The following LPAR6 variants were observed in gnomAD, a reference collection of about 807,000 sequenced individuals.
The protein encoded by LPAR6 is G-protein coupled purinergic receptor P2Y5.
Under a neutral mutation model 22.0 loss-of-function variants are expected in LPAR6, and 17 were observed. That is an observed-to-expected ratio of 0.77 (90% confidence interval 0.53 to 1.16). The LOEUF is 1.16. Ranked by LOEUF, LPAR6 falls within the 50% of genes most tolerant of loss-of-function variation. LPAR6 has a pLI of 0.00. For missense variants in LPAR6, 384 were observed against 406.9 expected, an observed-to-expected ratio of 0.94 and a Z score of 0.48; for synonymous variants, 136 against 139.8, an observed-to-expected ratio of 0.97 and a Z score of 0.19.
At position 48,437,947 on chromosome 13, in the gene LPAR6, T is replaced by C. The variant is rs1022525142; in HGVS notation, c.-1474+6606A>G. 2.0e-5 allele frequency among the ~76,000 whole-genome samples: 3 copies of C among 152,192 alleles called. No homozygotes were observed. The East Asian group carries it at 5.8e-4, about 29-fold the overall frequency. ...GTCAATTAGAAAACAAATCCTATTA[T>C]CAGTTTTCTTGTTTGTGCTTTGCTG... is the stretch of plus-strand genomic sequence containing the variant. On this transcript the variant is annotated intron_variant, in intron 1 of 6. Coordinates refer to the LPAR6 transcript ENST00000378434.
chr13:48,415,018 G>A (rs906124472), upstream of LPAR6, among the ~76,000 whole-genome samples: 1 of 151,762 alleles, frequency 6.6e-6, no homozygotes, highest in Admixed American at 6.6e-5. Flanking sequence ...GGTTCAGTAT[G>A]TTTTAAAAAA....
chr13:48,411,612 G>C lies in LPAR6; in HGVS notation c.812C>G (p.Thr271Arg), dbSNP rs766294393. 7.4e-6 allele frequency: 12 copies of C among 1,611,948 alleles called. No homozygotes were observed. The highest frequency in any genetic ancestry group is 1.0e-5 in the Non-Finnish European group (12 of 1,178,208). The part of the protein sequence containing the change: ...VNCSVVAAVR[T>R]MYPITLCIAV... The stretch of plus-strand genomic sequence containing the variant: ...AATACAGAGAGTGATTGGGTACATT[G>C]TCCTTACTGCTGCCACTACTGAGCA... The change falls in exon 1 of 1, where the codon ACA becomes AGA. Residue 271 changes from threonine to arginine, a missense_variant. Thr to Arg is a moderately conservative substitution (Grantham distance 71, BLOSUM62 -1). Coordinates refer to ENST00000620633, the MANE Select transcript of LPAR6 (RefSeq NM_001162498.3).
At chr13:48,430,739 C>T (rs749864937), upstream of LPAR6, among the ~76,000 whole-genome samples, 21 of 101,436 alleles carry the variant, frequency 2.1e-4, no homozygotes, top group Non-Finnish European at 3.6e-4. Context: ...GTCTCCATCT[C>T]AAAAACAAAA....
In LPAR6 at chr13:48,411,873, A is replaced by G. The variant is rs147725894; in HGVS notation, c.551T>C (p.Ile184Thr). The G allele has an allele frequency of 5.0e-6, 8 of 1,613,770 alleles. No individual in the cohort carries two copies. Among genetic ancestry groups the G allele is most frequent in the African/African-American group, 1.3e-5 (1 of 74,942 alleles). Residue 184 changes from isoleucine to threonine, a missense_variant, in exon 1 of 1, where the codon ATT becomes ACT. Coordinates refer to ENST00000620633, the MANE Select transcript of LPAR6 (RefSeq NM_001162498.3). Reference sequence around the variant, plus strand: ...TCCCACTATTTCGATGAAAATTACAATCCTTGAGAGATATGTTTTCCATGT... The same window carrying G: ...TCCCACTATTTCGATGAAAATTACAGTCCTTGAGAGATATGTTTTCCATGT... ...EATWKTYLSR[I>T]VIFIEIVGFF...
upstream of LPAR6, among the ~76,000 whole-genome samples, chr13:48,417,997 C>G (rs895178308): frequency 6.6e-6 from 1 of 152,190 alleles, no homozygotes; most frequent in African/African-American, 2.4e-5. Context: ...CCTAGCACGA[C>G]AGGCCAACAT....
chr13:48,409,735 C>T (rs1278025834), downstream of LPAR6, among the ~76,000 whole-genome samples: 1 of 151,828 alleles, frequency 6.6e-6, no homozygotes, highest in Non-Finnish European at 1.5e-5. Context: ...CATGTGCCAC[C>T]ACACCCAGCT....
At position 48,412,293 on chromosome 13, in the gene LPAR6, C is replaced by G; in HGVS notation, c.131G>C (p.Cys44Ser). The change falls in exon 1 of 1, where the codon TGC becomes TCC. Residue 44 changes from cysteine (C) to serine (S), a missense_variant. Transcript: ENST00000620633. ...SNCVAIYIFI[C>S]VLKVRNETTT... is the part of the protein sequence containing the mutation. ...AGTTTCATTTCGGACTTTGAGGACG[C>G]AGATGAAAATGTATATGGCAACACA... 6.2e-7 allele frequency: 1 copy of G among 1,613,726 alleles called. No individual in the cohort carries two copies. The highest frequency in any genetic ancestry group is 8.5e-7 in the Non-Finnish European group (1 of 1,179,698).
intron 1 of LPAR6, among the ~76,000 whole-genome samples, chr13:48,392,750 TTC>T (rs56362226): frequency 6.6e-6 from 1 of 151,396 alleles, no homozygotes; most frequent in East Asian, 2.0e-4. Flanking sequence ...TGACTGATAG[TTC>T]TCTCTCTCTC....
intron 1 of LPAR6, among the ~76,000 whole-genome samples, chr13:48,434,682 G>A (rs1419352322): frequency 6.6e-6 from 1 of 152,094 alleles, no homozygotes; most frequent in Non-Finnish European, 1.5e-5. Context: ...AAAATGTGTA[G>A]GTCCATGTAT....
chr13:48,442,169 C>T (rs906971648), intron 1 of LPAR6, among the ~76,000 whole-genome samples: 1 of 151,834 alleles, frequency 6.6e-6, no homozygotes, highest in Admixed American at 6.6e-5. Context: ...GTATTAGTTC[C>T]TTTTATAGTA....
chr13:48,411,428 G>A lies in LPAR6; in HGVS notation c.996C>T (p.Thr332=). ...AENFIQHNLQ[T]LKSKIFDNES... Reference sequence around the variant, plus strand: ...CATTGTCAAATATCTTACTTTTTAAGGTCTGTAGGTTATGCTGAATAAAAT... The same window carrying A: ...CATTGTCAAATATCTTACTTTTTAAAGTCTGTAGGTTATGCTGAATAAAAT... The change falls in exon 1 of 1, where the codon ACC becomes ACT. Residue 332 remains threonine, a synonymous_variant. Transcript: ENST00000620633. The A allele has an allele frequency of 6.2e-7, 1 of 1,612,846 alleles. No individual in the cohort carries two copies. Among genetic ancestry groups the A allele is most frequent in the South Asian group, 1.1e-5 (1 of 91,030 alleles).
chr13:48,391,094 T>TTTG (rs1948607271), intron 1 of LPAR6, among the ~76,000 whole-genome samples: 1 of 152,216 alleles, frequency 6.6e-6, no homozygotes, highest in Non-Finnish European at 1.5e-5. Context: ...TTTTATCTTC[T>TTTG]TTGTAGGCTT....
At chr13:48,401,392 T>C (rs1948690558) in intron 1 of LPAR6, 1 of 152,194 alleles carries the variant, frequency 6.6e-6, no homozygotes, top group African/African-American at 2.4e-5. Context: ...TCCTAATTAG[T>C]GTGGCTTCTG....
Position 48,411,970 on chromosome 13 carries a change from C to CG in LPAR6, c.453dup (p.Val152ArgfsTer11). 6.3e-7 allele frequency: 1 copy of CG among 1,596,090 alleles called. No individual in the cohort carries two copies. The highest frequency in any genetic ancestry group is 8.5e-7 in the Non-Finnish European group (1 of 1,170,040). Reference sequence around the variant, plus strand: ...TGAGAGTGGGTAGACTGAACAAAAACGGCGGGTGCACTTCCTCCGATCACA... The same window carrying CG: ...TGAGAGTGGGTAGACTGAACAAAAACGGGCGGGTGCACTTCCTCCGATCACA... On this transcript the variant is annotated frameshift_variant, in exon 1 of 1. Transcript: ENST00000620633. LOFTEE classifies it high-confidence loss of function.
At chr13:48,394,768 C>T (rs549601781) in intron 1 of LPAR6, among the ~76,000 whole-genome samples, 3 of 152,328 alleles carry the variant, frequency 2.0e-5, no homozygotes, top group South Asian at 2.1e-4. Flanking sequence ...AGATAAAACT[C>T]CCATCTACCT....
At chr13:48,419,512 C>G (rs1301949255) in intron 2 of LPAR6, among the ~76,000 whole-genome samples, 1 of 152,016 alleles carries the variant, frequency 6.6e-6, no homozygotes, top group African/African-American at 2.4e-5. Context: ...CAAAAGCTAG[C>G]AGAAGATAAG....
intron 1 of LPAR6, among the ~76,000 whole-genome samples, chr13:48,402,379 C>CCTTTTTTTT (rs1555288404): frequency 8.0e-6 from 1 of 125,718 alleles, no homozygotes; most frequent in Non-Finnish European, 1.6e-5. Flanking sequence ...TGTAGAAAAC[C>CCTTTTTTTT]TTTTTTTTTT....
chr13:48,408,397 C>T (rs190143088), downstream of LPAR6, among the ~76,000 whole-genome samples: 1 of 152,114 alleles, frequency 6.6e-6, no homozygotes, highest in East Asian at 1.9e-4. Flanking sequence ...AAAATTTTCT[C>T]AGCTTACTGT....
intron 1 of LPAR6, among the ~76,000 whole-genome samples, chr13:48,395,730 T>C (rs1161004755): frequency 6.6e-6 from 1 of 152,146 alleles, no homozygotes; most frequent in African/African-American, 2.4e-5. Flanking sequence ...TAGGGGACTA[T>C]GTGAAAAGAC....
Sources: allele counts gnomAD v4.1 joint callset (sites outside exome capture counted in the v4.1 genomes callset), GRCh38; gene constraint gnomAD v4.1.1; transcripts MANE v1.5; gene names NCBI Gene and HGNC (gene_info 2026-07-23, HGNC 2026-07-21).